The following HMG20A variants were observed in gnomAD, a reference collection of about 807,000 sequenced individuals.
The protein encoded by HMG20A is high mobility group 20A.
Under a neutral mutation model 43.9 loss-of-function variants are expected in HMG20A, and 17 were observed. The ratio of observed to expected loss-of-function variants is 0.39; its 90% CI spans 0.27 to 0.58. HMG20A has a LOEUF of 0.58. HMG20A is among the 20% of genes least tolerant of loss of function. HMG20A has a pLI of 0.59. For missense variants in HMG20A, 341 were observed against 438.2 expected (o/e 0.78, Z 1.98); for synonymous variants, 132 against 147.5 (o/e 0.89, Z 0.76).
In HMG20A at chr15:77,479,292, GT is replaced by G; in HGVS notation, c.1023del (p.Val342Ter). The G allele has an allele frequency of 4.3e-6, 7 of 1,614,078 alleles. No homozygotes were observed. The highest frequency in any genetic ancestry group is 5.1e-6 in the Non-Finnish European group (6 of 1,179,988). On this transcript the variant is annotated frameshift_variant, in exon 9 of 10. Coordinates refer to ENST00000336216, the MANE Select transcript of HMG20A (RefSeq NM_001304504.2). LOFTEE classifies it high-confidence loss of function. ...AAACTTCATAGCTACAGTTCGAGAA[GT>G]TGTGAACAGACTCGATCGTTAGGGA... ...NENFIATVRE[V>X]VNRLDR
At chr15:77,428,263 G>T (rs191955701) in intron 1 of HMG20A, among the ~76,000 whole-genome samples, 1 of 152,190 alleles carries the variant, frequency 6.6e-6, no homozygotes, top group Admixed American at 6.5e-5. Context: ...ATCTGTGATG[G>T]TAACAAAGAA....
At chr15:77,481,594 T>C (rs1047029975) in intron 9 of HMG20A, among the ~76,000 whole-genome samples, 3 of 152,226 alleles carry the variant, frequency 2.0e-5, no homozygotes, top group Admixed American at 6.6e-5. Flanking sequence ...TTTTTTCATC[T>C]CAAGAGTATA....
chr15:77,444,171 T>C (rs1338692882), intron 1 of HMG20A, among the ~76,000 whole-genome samples: 3 of 152,186 alleles, frequency 2.0e-5, no homozygotes, highest in South Asian at 2.1e-4. Flanking sequence ...TTGAGGTAAA[T>C]AGAATAAGTT....
At chr15:77,463,893 T>G (rs1261215277) in intron 2 of HMG20A, among the ~76,000 whole-genome samples, 1 of 152,214 alleles carries the variant, frequency 6.6e-6, no homozygotes, top group Admixed American at 6.5e-5. Flanking sequence ...TGTTTTCCCT[T>G]TACATTGGAG....
At chr15:77,496,454 T>G in the HMG20A span, among the ~76,000 whole-genome samples, 1 of 152,218 alleles carries the variant, frequency 6.6e-6, no homozygotes, top group East Asian at 1.9e-4. Context: ...CAGTTTCTCC[T>G]TTTCCATCTC....
the HMG20A span, among the ~76,000 whole-genome samples, chr15:77,496,186 A>G: frequency 6.6e-6 from 1 of 152,184 alleles, no homozygotes; most frequent in African/African-American, 2.4e-5. Flanking sequence ...CATGCAGCAC[A>G]AAACAAGCCA....
At chr15:77,502,377 A>G in the HMG20A span, among the ~76,000 whole-genome samples, 1 of 152,198 alleles carries the variant, frequency 6.6e-6, no homozygotes, top group Non-Finnish European at 1.5e-5. Flanking sequence ...TTTGGCACAC[A>G]CTGATCTCTG....
chr15:77,423,394 C>A (rs987151335), intron 1 of HMG20A, among the ~76,000 whole-genome samples: 5 of 151,596 alleles, frequency 3.3e-5, no homozygotes, highest in Middle Eastern at 3.2e-3. Context: ...TTTCTTAATG[C>A]CCTTTGTGCA....
chr15:77,424,902 C>T (rs2073409777), intron 1 of HMG20A, among the ~76,000 whole-genome samples: 1 of 152,136 alleles, frequency 6.6e-6, no homozygotes, highest in African/African-American at 2.4e-5. Context: ...TGACCTTTCA[C>T]ACTATGATCA....
At chr15:77,504,342 A>G in the HMG20A span, among the ~76,000 whole-genome samples, 55 of 152,312 alleles carry the variant, frequency 3.6e-4, no homozygotes, top group Admixed American at 1.0e-3. Flanking sequence ...AAGTGGGATG[A>G]GGCTTGTAAG....
chr15:77,474,509 A>G (rs1189407312), intron 6 of HMG20A, among the ~76,000 whole-genome samples: 1 of 152,246 alleles, frequency 6.6e-6, no homozygotes, highest in African/African-American at 2.4e-5. Context: ...TCTTGACAGC[A>G]CAGTGCCATG....
the HMG20A span, among the ~76,000 whole-genome samples, chr15:77,515,013 G>A: frequency 6.6e-6 from 1 of 152,190 alleles, no homozygotes; most frequent in Non-Finnish European, 1.5e-5. Flanking sequence ...GGCAGATTGT[G>A]AAGCATTTCC....
chr15:77,496,097 C>T, the HMG20A span, among the ~76,000 whole-genome samples: 2 of 152,150 alleles, frequency 1.3e-5, no homozygotes, highest in Non-Finnish European at 2.9e-5. Context: ...GGAGCCTCAG[C>T]CTGCTTGCCC....
chr15:77,438,221 C>G (rs1440110340), intron 1 of HMG20A, among the ~76,000 whole-genome samples: 3 of 149,034 alleles, frequency 2.0e-5, no homozygotes, highest in Non-Finnish European at 3.0e-5. Flanking sequence ...TCAAGCGATC[C>G]TCCCACCTTG....
At chr15:77,480,719 C>CTTTT (rs138884448) in intron 9 of HMG20A, among the ~76,000 whole-genome samples, 1 of 129,064 alleles carries the variant, frequency 7.7e-6, no homozygotes, top group Non-Finnish European at 1.7e-5. Context: ...AGTATGTATC[C>CTTTT]TTTTTTTTTT....
intron 1 of HMG20A, among the ~76,000 whole-genome samples, chr15:77,434,485 A>C (rs1225914452): frequency 6.6e-6 from 1 of 152,234 alleles, no homozygotes; most frequent in Non-Finnish European, 1.5e-5. Flanking sequence ...TATTTGTAAT[A>C]CATGTATTCA....
chr15:77,497,797 A>G, the HMG20A span, among the ~76,000 whole-genome samples: 1 of 151,880 alleles, frequency 6.6e-6, no homozygotes, highest in Non-Finnish European at 1.5e-5. Flanking sequence ...TTCTGCAAAA[A>G]GGCACAAAAC....
At chr15:77,470,393 T>C (rs1414267212) in intron 4 of HMG20A, among the ~76,000 whole-genome samples, 1 of 152,256 alleles carries the variant, frequency 6.6e-6, no homozygotes, top group Admixed American at 6.5e-5. Context: ...ATTATTTTTA[T>C]GTTCTTTGTG....
chr15:77,471,776 T>C lies in HMG20A; in HGVS notation c.584-7T>C. 2 of 1,570,588 alleles carry C rather than the reference T, an allele frequency of 1.3e-6. No individual in the cohort carries two copies. Among genetic ancestry groups the C allele is most frequent in the South Asian group, 1.1e-5 (1 of 88,822 alleles). On this transcript the variant is annotated splice_region_variant and splice_polypyrimidine_tract_variant and intron_variant, in intron 5 of 9. Transcript: ENST00000336216. The stretch of plus-strand genomic sequence containing the variant: ...TGTAATGTTCTCTTATTCTTTTATA[T>C]TTTTAGATGCAGCCCGGCAGGCCAC...
Sources: allele counts gnomAD v4.1 joint callset (sites outside exome capture counted in the v4.1 genomes callset), GRCh38; gene constraint gnomAD v4.1.1; transcripts MANE v1.5; gene names NCBI Gene and HGNC (gene_info 2026-07-23, HGNC 2026-07-21).